Variants in ZDHHC6 observed in about 807,000 individuals in gnomAD.
ZDHHC6 encodes palmitoyltransferase ZDHHC6.
In ZDHHC6, 32 loss-of-function variants were observed where a neutral mutation model predicts 57.8. That is an observed-to-expected ratio of 0.55 (90% confidence interval 0.42 to 0.74). The LOEUF is 0.74. Ranked by LOEUF, ZDHHC6 falls within the 30% of genes least tolerant of loss-of-function variation. The pLI is 0.00. For synonymous variants in ZDHHC6, 128 were observed against 158.0 expected, an observed-to-expected ratio of 0.81 and a Z score of 1.42; for missense variants, 433 against 500.7, an observed-to-expected ratio of 0.86 and a Z score of 1.29.
chr10:112,429,562 GCCTTGGA>G (rs1343897429), downstream of ZDHHC6, among the ~76,000 whole-genome samples: 1 of 152,126 alleles, frequency 6.6e-6, no homozygotes, highest in Non-Finnish European at 1.5e-5. Flanking sequence ...CACATTCCCT[GCCTTGGA>G]AAGGTTTCTG....
At chr10:112,428,587 T>C (rs891327654), downstream of ZDHHC6, 12 of 388,122 alleles carry the variant, frequency 3.1e-5, no homozygotes, top group African/African-American at 2.1e-4. Context: ...CTGGCTACTA[T>C]GGTGAAACCC....
chr10:112,444,767 A>G (rs1224846918), intron 2 of ZDHHC6, among the ~76,000 whole-genome samples: 1 of 151,518 alleles, frequency 6.6e-6, no homozygotes, highest in Admixed American at 6.6e-5. Flanking sequence ...TTAAAACTTT[A>G]TGATTTAAAC....
intron 3 of ZDHHC6, 119 bp downstream of exon 3, chr10:112,443,396 T>C: frequency 1.3e-6 from 1 of 741,402 alleles, no homozygotes; most frequent in Non-Finnish European, 2.2e-6. Context: ...TCTGACAATA[T>C]TGTTTATAAT....
intron 6 of ZDHHC6, among the ~76,000 whole-genome samples, chr10:112,434,846 A>C (rs1845373665): frequency 6.6e-6 from 1 of 152,218 alleles, no homozygotes; most frequent in Non-Finnish European, 1.5e-5. Context: ...GAGAAAGGTA[A>C]AGGTTTATTC....
intron 6 of ZDHHC6, among the ~76,000 whole-genome samples, chr10:112,435,951 A>G (rs1245768606): frequency 2.6e-5 from 4 of 152,226 alleles, no homozygotes. Context: ...GGAAACAAAA[A>G]GTACTTAGCC....
intron 3 of ZDHHC6, 46 bp downstream of exon 3, chr10:112,443,469 G>A: frequency 6.6e-7 from 1 of 1,516,080 alleles, no homozygotes; most frequent in South Asian, 1.1e-5. Context: ...GAAAACATCA[G>A]TAATTAGTTG....
intron 5 of ZDHHC6, among the ~76,000 whole-genome samples, chr10:112,439,609 G>A (rs1210682817): frequency 6.0e-5 from 7 of 116,000 alleles, no homozygotes; most frequent in Non-Finnish European, 1.1e-4. Context: ...TAGCCTGGGT[G>A]ACAGAGTGAG....
downstream of ZDHHC6, chr10:112,428,134 G>C (rs1450037324): frequency 5.2e-5 from 15 of 289,216 alleles, no homozygotes; most frequent in Non-Finnish European, 9.5e-5. Flanking sequence ...GGGGGAAGGA[G>C]TTGACAGGTG....
chr10:112,426,146 G>C (rs965156582), downstream of ZDHHC6: 1 of 806,776 alleles, frequency 1.2e-6, no homozygotes, highest in Non-Finnish European at 2.0e-6. Context: ...CTGGATTTAA[G>C]GTTTTGGGGA....
chr10:112,433,425 T>C (rs1845222017), intron 7 of ZDHHC6, 144 bp from the exon 8 acceptor site: 2 of 614,682 alleles, frequency 3.3e-6, no homozygotes, highest in Non-Finnish European at 5.2e-6. Flanking sequence ...AGGCCACAGG[T>C]TGTTTTAGCA....
chr10:112,437,159 G>A (rs1845624398), intron 6 of ZDHHC6, among the ~76,000 whole-genome samples: 1 of 151,766 alleles, frequency 6.6e-6, no homozygotes, highest in South Asian at 2.1e-4. Context: ...AAAAAACCTT[G>A]TATCTACCAC....
chr10:112,438,050 A>G (rs1028270037), intron 6 of ZDHHC6, among the ~76,000 whole-genome samples: 3 of 152,238 alleles, frequency 2.0e-5, no homozygotes, highest in African/African-American at 7.2e-5. Context: ...CTAGTCTAAG[A>G]GACAACAAAC....
At position 112,434,314 on chromosome 10, in the gene ZDHHC6, G is replaced by C. The variant is rs115488949; in HGVS notation, c.886C>G (p.His296Asp). 214 of 1,612,074 alleles carry C rather than the reference G, an allele frequency of 1.3e-4. No homozygotes were observed. The East Asian group carries it at 4.6e-3, about 35-fold the overall frequency. ...ATACTCACTGTTAAGCTGTATTGGT[G>C]ACAGCCTTCTCTTACTGGCCACTCA... ...GLEWPVREGCHQYSLTIEQLK... is the reference protein window; with the variant it reads ...GLEWPVREGCDQYSLTIEQLK... The change falls in exon 7 of 11, where the codon CAC (histidine) becomes GAC (aspartate). Residue 296 changes from histidine to aspartate, a missense_variant. By Grantham distance (81) the His-to-Asp change is moderately conservative. Coordinates refer to ENST00000369405, the MANE Select transcript of ZDHHC6 (RefSeq NM_022494.3).
At position 112,438,320 on chromosome 10, in the gene ZDHHC6, A is replaced by T; in HGVS notation, c.735+16T>A. 7.7e-7 allele frequency: 1 copy of T among 1,294,038 alleles called. No homozygotes were observed. 80.2% of individuals were successfully genotyped at this position (1,294,038 alleles called of 1,614,324 possible). A position where few individuals can be genotyped will look rare whatever the true frequency, so the allele number is the denominator to read the frequency against. On this transcript the variant is annotated intron_variant, in intron 6 of 10. Coordinates refer to ENST00000369405, the MANE Select transcript of ZDHHC6 (RefSeq NM_022494.3). ...TATACTTTTTTAATATTGAAGAAAC[A>T]ATTATTAAAATTTACCTTCTCTTCA...
At chr10:112,445,089 G>A in intron 2 of ZDHHC6, 81 bp downstream of exon 2, 2 of 1,456,844 alleles carry the variant, frequency 1.4e-6, no homozygotes, top group South Asian at 1.3e-5. Context: ...GGCTGTGTTT[G>A]GTATTATTGG....
rs112383515 is a variant in ZDHHC6, at chr10:112,433,221, C to T, written c.945+19G>A. 6.7e-4 allele frequency: 1,051 copies of T among 1,569,906 alleles called. 9 individuals are homozygous for T. The African/African-American group carries it at 0.013, about 20-fold the overall frequency. ...CTAACAAAAGAAAAAAAAATTACCACTGCAAAAGAAGTACTTACACTTCTG... is the reference window on the plus strand; with the variant it reads ...CTAACAAAAGAAAAAAAAATTACCATTGCAAAAGAAGTACTTACACTTCTG... On this transcript the variant is annotated intron_variant, in intron 8 of 10. Transcript: ENST00000369405.
rs1041300700 is a variant in ZDHHC6, at chr10:112,446,819, A to G, written c.-329T>C. On this transcript the variant is annotated 5_prime_UTR_variant, in exon 1 of 11. Coordinates refer to ENST00000369405, the MANE Select transcript of ZDHHC6 (RefSeq NM_022494.3). The stretch of plus-strand genomic sequence containing the variant: ...GACTCCGTCATGGACACCTCAGCCC[A>G]GGACAAGCAGAGAGCAAACCCTGGC... The G allele has an allele frequency of 3.9e-5, 7 of 178,956 alleles. No individual in the cohort carries two copies. The highest frequency in any genetic ancestry group is 7.2e-5 in the Non-Finnish European group (6 of 82,832). The allele number at this position is 178,956 out of a possible 1,614,324, so 11.1% of individuals were successfully genotyped here. A position where few individuals can be genotyped will look rare whatever the true frequency, so the allele number is the denominator to read the frequency against.
downstream of ZDHHC6, among the ~76,000 whole-genome samples, chr10:112,429,478 C>A (rs1844863969): frequency 6.6e-6 from 1 of 152,170 alleles, no homozygotes; most frequent in African/African-American, 2.4e-5. Flanking sequence ...TATATTTTAC[C>A]TGTCTGTTCA....
At chr10:112,429,314 C>G (rs79195196), downstream of ZDHHC6, among the ~76,000 whole-genome samples, 1 of 152,206 alleles carries the variant, frequency 6.6e-6, no homozygotes, top group African/African-American at 2.4e-5. Flanking sequence ...GTTTCTCAAA[C>G]GTGTCAGACA....
Sources: allele counts gnomAD v4.1 joint callset (sites outside exome capture counted in the v4.1 genomes callset), GRCh38; gene constraint gnomAD v4.1.1; transcripts MANE v1.5; gene names NCBI Gene and HGNC (gene_info 2026-07-23, HGNC 2026-07-21).